Variants in SLC35F4 observed in about 807,000 individuals in gnomAD.
SLC35F4 encodes solute carrier family 35 member F4.
A neutral mutation model predicts 44.2 loss-of-function variants in SLC35F4; 24 were observed. The observed-to-expected ratio is 0.54, with a 90% confidence interval of 0.39 to 0.76. SLC35F4 has a LOEUF of 0.76. SLC35F4 is among the 30% of genes least tolerant of loss of function. The pLI is 0.00. For synonymous variants in SLC35F4, 238 were observed against 223.6 expected (o/e 1.06, Z -0.57); for missense variants, 562 against 586.1 (o/e 0.96, Z 0.42).
chr14:57,594,919 A>G lies in SLC35F4; in HGVS notation c.104-795T>C, dbSNP rs985882099. Among the ~76,000 whole-genome samples, 5 of 152,184 alleles carry G rather than the reference A, an allele frequency of 3.3e-5. No individual in the cohort carries two copies. The East Asian group carries it at 9.6e-4, about 29-fold the overall frequency. The stretch of plus-strand genomic sequence containing the variant: ...GGGTCTGCAGCCAATATAGTCACAT[A>G]GGGTGCTGTGCTGAGAAGGGCCCAT... On this transcript the variant is annotated intron_variant, in intron 1 of 7. Transcript: ENST00000556826.
At chr14:57,624,479 C>A (rs10147319) in intron 1 of SLC35F4, among the ~76,000 whole-genome samples, 106,291 of 151,984 alleles carry the variant, frequency 0.7, 37,976 homozygotes, top group Middle Eastern at 0.79. Flanking sequence ...CCTGATACAA[C>A]AACCTGGGGG....
intron 1 of SLC35F4, among the ~76,000 whole-genome samples, chr14:57,686,375 T>C (rs1164540194): frequency 2.0e-5 from 3 of 152,206 alleles, no homozygotes; most frequent in African/African-American, 7.2e-5. Flanking sequence ...ATTTCCAGCA[T>C]GAGCTCAGTC....
intron 1 of SLC35F4, among the ~76,000 whole-genome samples, chr14:57,904,479 A>T (rs1889070491): frequency 6.6e-6 from 1 of 152,210 alleles, no homozygotes. Flanking sequence ...CAAATGCAAG[A>T]CAGTGAATGA....
At chr14:57,852,774 G>A (rs1003566685) in intron 1 of SLC35F4, among the ~76,000 whole-genome samples, 4 of 152,068 alleles carry the variant, frequency 2.6e-5, no homozygotes, top group African/African-American at 9.7e-5. Context: ...ACTGAACATG[G>A]GCTTCAACAA....
At chr14:57,670,754 G>C (rs984523990) in intron 1 of SLC35F4, among the ~76,000 whole-genome samples, 1 of 151,690 alleles carries the variant, frequency 6.6e-6, no homozygotes, top group Non-Finnish European at 1.5e-5. Context: ...AAGGAAACAG[G>C]CCTAGTTGTG....
intron 1 of SLC35F4, among the ~76,000 whole-genome samples, chr14:57,951,393 T>C (rs1422683816): frequency 6.6e-6 from 1 of 152,106 alleles, no homozygotes; most frequent in Non-Finnish European, 1.5e-5. Context: ...CTGGAGTTTT[T>C]TTTCATACCC....
At chr14:57,736,415 T>G (rs1464991437) in intron 1 of SLC35F4, among the ~76,000 whole-genome samples, 1 of 152,238 alleles carries the variant, frequency 6.6e-6, no homozygotes, top group South Asian at 2.1e-4. Context: ...ATGTATTTAC[T>G]GCACAGGAGG....
intron 1 of SLC35F4, among the ~76,000 whole-genome samples, chr14:57,764,690 C>T (rs997207733): frequency 6.6e-6 from 1 of 152,092 alleles, no homozygotes; most frequent in South Asian, 2.1e-4. Flanking sequence ...AATGTAAATA[C>T]TGAATTGTAT....
intron 1 of SLC35F4, among the ~76,000 whole-genome samples, chr14:57,790,907 G>A (rs1389103262): frequency 6.6e-6 from 1 of 152,164 alleles, no homozygotes; most frequent in Non-Finnish European, 1.5e-5. Flanking sequence ...TTAATAAATG[G>A]TGCTGGGAAA....
At chr14:57,917,201 C>T (rs1472407911) in intron 1 of SLC35F4, among the ~76,000 whole-genome samples, 1 of 152,076 alleles carries the variant, frequency 6.6e-6, no homozygotes, top group African/African-American at 2.4e-5. Context: ...GCTGGGATTA[C>T]AGGTGCACAC....
chr14:57,947,343 G>C (rs1452099359), intron 1 of SLC35F4, among the ~76,000 whole-genome samples: 1 of 151,688 alleles, frequency 6.6e-6, no homozygotes, highest in Non-Finnish European at 1.5e-5. Flanking sequence ...GTCACTGTTA[G>C]TGTATAGCAG....
At chr14:57,706,864 T>C (rs1418074070) in intron 1 of SLC35F4, among the ~76,000 whole-genome samples, 1 of 152,212 alleles carries the variant, frequency 6.6e-6, no homozygotes, top group Admixed American at 6.5e-5. Context: ...AATTTTCTCT[T>C]AAGGCCAATA....
At chr14:57,731,714 A>G (rs892882202) in intron 1 of SLC35F4, among the ~76,000 whole-genome samples, 1 of 152,222 alleles carries the variant, frequency 6.6e-6, no homozygotes, top group Admixed American at 6.5e-5. Context: ...GTCAGAGTTG[A>G]TTTCTGTTCC....
Position 57,947,929 on chromosome 14 carries a change from A to G in SLC35F4, n.282+33984T>C, listed in dbSNP as rs544027484. On this transcript the variant is annotated intron_variant and non_coding_transcript_variant, in intron 1 of 1. Coordinates refer to the SLC35F4 transcript ENST00000556568. The stretch of plus-strand genomic sequence containing the variant: ...GATATGCTGTTGGATTTGGTTAGCT[A>G]GTATTTTGTTGAGAACTTTTGCATC... Among the ~76,000 whole-genome samples, 122 of 152,260 alleles carry G rather than the reference A, an allele frequency of 8.0e-4. 1 individual carries two copies. The highest frequency in any genetic ancestry group is 4.1e-3 in the Admixed American group (63 of 15,288).
In SLC35F4 at chr14:57,609,473, A is replaced by G. The variant is rs538458217; in HGVS notation, c.104-15349T>C. On this transcript the variant is annotated intron_variant, in intron 1 of 7. Transcript: ENST00000556826. The stretch of plus-strand genomic sequence containing the variant: ...CCAGAGATAAGGAAAAAATGATATT[A>G]AAGTATTTGTTCTGTTCCTTTGGTA... Among the ~76,000 whole-genome samples, 11 of 152,218 alleles carry G rather than the reference A, an allele frequency of 7.2e-5. 1 individual carries two copies. In the South Asian group the frequency reaches 1.4e-3, roughly 20 times the overall value.
chr14:57,869,357 G>A (rs1469049804), upstream of SLC35F4, among the ~76,000 whole-genome samples: 2 of 152,086 alleles, frequency 1.3e-5, no homozygotes, highest in East Asian at 3.9e-4. Context: ...TAAGCAGTCT[G>A]AAAATACCAT....
chr14:57,949,452 A>C (rs1042002018), intron 1 of SLC35F4, among the ~76,000 whole-genome samples: 9 of 152,176 alleles, frequency 5.9e-5, no homozygotes, highest in African/African-American at 2.2e-4. Flanking sequence ...TGAAGACAGC[A>C]GATACTTGGT....
At chr14:57,716,915 T>C (rs2075960793) in intron 1 of SLC35F4, among the ~76,000 whole-genome samples, 1 of 152,174 alleles carries the variant, frequency 6.6e-6, no homozygotes, top group Admixed American at 6.5e-5. Context: ...TATTCTACTC[T>C]CTACTTCTAT....
At chr14:57,966,038 T>C (rs1048862527) in intron 1 of SLC35F4, among the ~76,000 whole-genome samples, 13 of 152,218 alleles carry the variant, frequency 8.5e-5, no homozygotes, top group Admixed American at 8.5e-4. Flanking sequence ...ACAATTCACC[T>C]GTATCAGAAT....
Sources: allele counts gnomAD v4.1 joint callset (sites outside exome capture counted in the v4.1 genomes callset), GRCh38; gene constraint gnomAD v4.1.1; transcripts MANE v1.5; gene names NCBI Gene and HGNC (gene_info 2026-07-23, HGNC 2026-07-21).